The following COLGALT2 variants were observed in gnomAD, a reference collection of about 807,000 sequenced individuals.
The protein encoded by COLGALT2 is collagen beta(1-O)galactosyltransferase 2, also known as procollagen galactosyltransferase 2.
In COLGALT2, 49 loss-of-function variants were observed where a neutral mutation model predicts 73.4. The observed-to-expected ratio is 0.67, with a 90% CI of 0.53 to 0.85. COLGALT2 has a LOEUF of 0.85. COLGALT2 is among the 40% of genes least tolerant of loss of function. The probability of loss-of-function intolerance (pLI) is 0.00; values close to 1 mark genes in which losing one functional copy is unlikely to be tolerated. For synonymous variants in COLGALT2, 295 were observed against 307.6 expected (o/e 0.96, Z 0.43); for missense variants, 722 against 790.2 (o/e 0.91, Z 1.03).
rs536031655 is a variant in COLGALT2, at chr1:183,937,599, C to T, written c.*1162G>A. The T allele has an allele frequency of 5.1e-6, 5 of 985,336 alleles. No individual in the cohort carries two copies. The highest frequency in any genetic ancestry group is 2.3e-4 in the East Asian group (2 of 8,804). The allele number at this position is 985,336 out of a possible 1,614,324, so 61.0% of individuals were successfully genotyped here. A position where few individuals can be genotyped will look rare whatever the true frequency, so the allele number is the denominator to read the frequency against. ...TTTGTTTCCAAATAGTTCAAATCCC[C>T]CCATCCACAGGCCTCCCCACAAGAG... On this transcript the variant is annotated 3_prime_UTR_variant, in exon 12 of 12. Coordinates refer to ENST00000361927, the MANE Select transcript of COLGALT2 (RefSeq NM_015101.4).
At chr1:183,977,595 G>A (rs1671233278) in intron 2 of COLGALT2, among the ~76,000 whole-genome samples, 1 of 152,054 alleles carries the variant, frequency 6.6e-6, no homozygotes, top group African/African-American at 2.4e-5. Context: ...AGACCAGCCT[G>A]GACAACATGG....
intron 1 of COLGALT2, among the ~76,000 whole-genome samples, chr1:183,998,855 G>C (rs1318499207): frequency 2.0e-5 from 3 of 151,842 alleles, no homozygotes; most frequent in Non-Finnish European, 4.4e-5. Flanking sequence ...ATGAGTATCT[G>C]TTAGATACTC....
At chr1:183,975,519 A>T (rs71632199) in intron 2 of COLGALT2, among the ~76,000 whole-genome samples, 3,684 of 152,336 alleles carry the variant, frequency 0.024, 100 homozygotes, top group Admixed American at 0.066. Context: ...AGAGCAGTTA[A>T]GTCATTCGTC....
chr1:183,964,446 C>T (rs547383489), intron 5 of COLGALT2: 80 of 191,264 alleles, frequency 4.2e-4, no homozygotes, highest in African/African-American at 1.5e-3. Flanking sequence ...AATTCTGTAA[C>T]GCTGACAGAT....
At chr1:183,976,094 C>T (rs1671182087) in intron 2 of COLGALT2, among the ~76,000 whole-genome samples, 1 of 152,044 alleles carries the variant, frequency 6.6e-6, no homozygotes, top group Non-Finnish European at 1.5e-5. Flanking sequence ...TATATTCCCC[C>T]CAAAAATGCC....
At chr1:183,974,996 A>T (rs1572649928) in intron 3 of COLGALT2, 101 bp downstream of exon 3, 1 of 814,644 alleles carries the variant, frequency 1.2e-6, no homozygotes, top group East Asian at 2.5e-5. Context: ...CTGCCTAATC[A>T]AAAAGGTTGT....
downstream of COLGALT2, among the ~76,000 whole-genome samples, chr1:183,935,088 A>G (rs1669921276): frequency 2.0e-5 from 3 of 152,174 alleles, no homozygotes; most frequent in Admixed American, 6.5e-5. Flanking sequence ...CTGTCAGGCA[A>G]TGCCTGGACA....
chr1:184,010,105 A>C (rs916442790), intron 1 of COLGALT2, among the ~76,000 whole-genome samples: 6 of 152,166 alleles, frequency 3.9e-5, no homozygotes, highest in African/African-American at 1.4e-4. Context: ...TCTGGGGTCT[A>C]GATTTTTTCA....
chr1:183,954,726 C>G (rs779835647), intron 7 of COLGALT2, 36 bp downstream of exon 7: 69 of 1,486,836 alleles, frequency 4.6e-5, no homozygotes, highest in Non-Finnish European at 5.6e-6. Flanking sequence ...CCTGCACACG[C>G]GTGCATGTGC....
chr1:183,980,391 CAAG>C (rs1249821245), intron 1 of COLGALT2, among the ~76,000 whole-genome samples: 1 of 151,846 alleles, frequency 6.6e-6, no homozygotes, highest in East Asian at 1.9e-4. Context: ...GGATGGGAAA[CAAG>C]AAGATTGATT....
chr1:183,929,747 T>C (rs970866518), downstream of COLGALT2: 1 of 153,908 alleles, frequency 6.5e-6, no homozygotes, highest in African/African-American at 2.4e-5. Flanking sequence ...TTATTTCCAT[T>C]GCATTTTGCA....
intron 11 of COLGALT2, 121 bp downstream of exon 11, chr1:183,940,460 T>A (rs1670075916): frequency 1.2e-5 from 11 of 907,836 alleles, no homozygotes; most frequent in Non-Finnish European, 2.0e-5. Context: ...ATCATAATTA[T>A]GAGAAGATCA....
intron 1 of COLGALT2, among the ~76,000 whole-genome samples, chr1:184,006,061 T>C (rs1039160871): frequency 6.6e-6 from 1 of 152,212 alleles, no homozygotes; most frequent in African/African-American, 2.4e-5. Flanking sequence ...CCTTCTAGTA[T>C]GTGGTTAAAC....
At chr1:183,994,327 C>G (rs1018153593) in intron 1 of COLGALT2, among the ~76,000 whole-genome samples, 1 of 151,748 alleles carries the variant, frequency 6.6e-6, no homozygotes, top group African/African-American at 2.4e-5. Context: ...CATGAGCCAC[C>G]GCACCTGGCC....
rs7339869 is a variant in COLGALT2, at chr1:183,939,956, G to A, written c.1604+625C>T. ...TATAGTTTATTGGGGAGATTGACAGGTAAATCATTAATTGCCACACCTTTT... is the reference window on the plus strand; with the variant it reads ...TATAGTTTATTGGGGAGATTGACAGATAAATCATTAATTGCCACACCTTTT... On this transcript the variant is annotated intron_variant, in intron 11 of 11. Transcript: ENST00000361927. Among the ~76,000 whole-genome samples the A allele has an allele frequency of 6.5e-3, 997 of 152,346 alleles. 14 individuals carry two copies. Among genetic ancestry groups the A allele is most frequent in the African/African-American group, 0.017 (710 of 41,566 alleles).
At chr1:183,992,962 G>C (rs1671669169) in intron 1 of COLGALT2, among the ~76,000 whole-genome samples, 1 of 152,166 alleles carries the variant, frequency 6.6e-6, no homozygotes, top group South Asian at 2.1e-4. Flanking sequence ...GCAGGGATAT[G>C]TCTGTCTTTG....
intron 8 of COLGALT2, 136 bp downstream of exon 8, chr1:183,950,871 A>T: frequency 1.6e-6 from 1 of 638,038 alleles, no homozygotes; most frequent in Non-Finnish European, 2.8e-6. Context: ...ATGCTACTAC[A>T]GGTGGCCGTT....
At chr1:183,943,228 G>T (rs1670161019) in intron 10 of COLGALT2, among the ~76,000 whole-genome samples, 1 of 152,336 alleles carries the variant, frequency 6.6e-6, no homozygotes. Context: ...CATTTTCTGA[G>T]GGAACAAGTA....
intron 1 of COLGALT2, among the ~76,000 whole-genome samples, chr1:184,036,216 AC>A (rs1282178399): frequency 6.6e-6 from 1 of 152,132 alleles, no homozygotes; most frequent in African/African-American, 2.4e-5. Flanking sequence ...CTGGCCACCA[AC>A]TAACTTCTCG....
Sources: gnomAD v4.1 joint callset for allele counts (sites outside exome capture counted in the v4.1 genomes callset) on GRCh38, gnomAD v4.1.1 for gene constraint, MANE v1.5 for transcripts, NCBI Gene and HGNC (gene_info 2026-07-23, HGNC 2026-07-21) for gene names.